The following SDCCAG8 variants were observed in gnomAD, a reference collection of about 807,000 sequenced individuals.
SDCCAG8 encodes serologically defined colon cancer antigen 8.
SDCCAG8 carries 74 observed loss-of-function variants against 101.8 expected under a neutral mutation model. That is an observed-to-expected ratio of 0.73 (90% CI 0.60 to 0.88). SDCCAG8 has a LOEUF of 0.88. SDCCAG8 is among the 40% of genes least tolerant of loss of function. The pLI is 0.00. For synonymous variants in SDCCAG8, 281 were observed against 292.9 expected, an observed-to-expected ratio of 0.96 and a Z score of 0.41; for missense variants, 787 against 822.6, an observed-to-expected ratio of 0.96 and a Z score of 0.53.
chr1:243,441,439 G>T (rs948733233), intron 16 of SDCCAG8, among the ~76,000 whole-genome samples: 1 of 151,766 alleles, frequency 6.6e-6, no homozygotes, highest in African/African-American at 2.4e-5. Flanking sequence ...CTCTTTTCAC[G>T]GTCCTGTTGC....
chr1:243,326,916 T>G (rs2074186851), intron 9 of SDCCAG8, among the ~76,000 whole-genome samples: 1 of 152,188 alleles, frequency 6.6e-6, no homozygotes, highest in South Asian at 2.1e-4. Context: ...TGCCTACCCT[T>G]TGGCTTAATA....
At chr1:243,281,207 T>C (rs1030588902) in intron 4 of SDCCAG8, among the ~76,000 whole-genome samples, 2 of 152,202 alleles carry the variant, frequency 1.3e-5, no homozygotes, top group African/African-American at 4.8e-5. Flanking sequence ...TTTCTATTGA[T>C]TAGTGTTAAC....
intron 13 of SDCCAG8, among the ~76,000 whole-genome samples, chr1:243,386,037 G>C (rs2078266715): frequency 6.6e-6 from 1 of 152,176 alleles, no homozygotes; most frequent in South Asian, 2.1e-4. Context: ...ACATGTAGCA[G>C]CTCTTTAAAA....
intron 12 of SDCCAG8, among the ~76,000 whole-genome samples, chr1:243,348,183 C>T (rs2075846800): frequency 1.3e-5 from 2 of 150,254 alleles, no homozygotes; most frequent in Non-Finnish European, 3.0e-5. Context: ...CCACAGGCGC[C>T]CACGACCACG....
intron 16 of SDCCAG8, among the ~76,000 whole-genome samples, chr1:243,439,753 C>T (rs1388773269): frequency 2.0e-5 from 3 of 151,556 alleles, no homozygotes; most frequent in South Asian, 4.2e-4. Context: ...TATAACTTAC[C>T]CAACATCACA....
At position 243,256,392 on chromosome 1, in the gene SDCCAG8, A is replaced by G. The variant is rs561408626; in HGVS notation, c.67+152A>G. 9.7e-4 allele frequency: 660 copies of G among 682,644 alleles called. 3 individuals are homozygous for G. Among genetic ancestry groups the G allele is most frequent in the Non-Finnish European group, 4.3e-4 (160 of 375,770 alleles). 42.3% of individuals were successfully genotyped at this position (682,644 alleles called of 1,614,324 possible). On this transcript the variant is annotated intron_variant, in intron 1 of 17. Transcript: ENST00000366541. ...GTTGCTGTGGTCTTGAGGAGGATGA[A>G]ATAGTTTGATTTAGTTTTTACAGTT... is the stretch of plus-strand genomic sequence containing the variant.
intron 13 of SDCCAG8, among the ~76,000 whole-genome samples, chr1:243,404,615 A>G (rs2079628582): frequency 6.6e-6 from 1 of 152,138 alleles, no homozygotes. Flanking sequence ...TCTTCTGTAG[A>G]TGTAGTGCTT....
chr1:243,310,560 A>T (rs940276762), intron 8 of SDCCAG8, among the ~76,000 whole-genome samples: 1 of 152,180 alleles, frequency 6.6e-6, no homozygotes, highest in East Asian at 1.9e-4. Flanking sequence ...AAATAAATAT[A>T]AAAAATATCT....
chr1:243,444,031 G>C (rs763519417), intron 16 of SDCCAG8, among the ~76,000 whole-genome samples: 1 of 152,076 alleles, frequency 6.6e-6, no homozygotes, highest in South Asian at 2.1e-4. Context: ...TGAAAATTAC[G>C]CTTGTTTTTA....
rs781182231 is a variant in SDCCAG8, at chr1:243,341,104, G to T, written c.1287G>T (p.Lys429Asn). The part of the protein sequence containing the change: ...EAQVEKVTKE[K>N]ISAINQLEEI... ...AGGTGGAAAAGGTTACAAAGGAAAA[G>T]ATTTCAGCTATTAATCAACTGGAGG... is the stretch of plus-strand genomic sequence containing the variant. The change falls in exon 11 of 18, where the codon AAG becomes AAT. Residue 429 changes from lysine (K) to asparagine (N), a missense_variant. Lys to Asn is a moderately conservative substitution (Grantham distance 94). Coordinates refer to ENST00000366541, the MANE Select transcript of SDCCAG8 (RefSeq NM_006642.5). The T allele has an allele frequency of 2.9e-5, 47 of 1,614,000 alleles. No homozygotes were observed. The highest frequency in any genetic ancestry group is 4.0e-5 in the Non-Finnish European group (47 of 1,179,964).
chr1:243,264,752 T>A (rs2067455211), intron 1 of SDCCAG8, among the ~76,000 whole-genome samples: 1 of 152,262 alleles, frequency 6.6e-6, no homozygotes, highest in Non-Finnish European at 1.5e-5. Flanking sequence ...CTACTTGCAC[T>A]TACGTTCATG....
In SDCCAG8 at chr1:243,256,245, G is replaced by A. The variant is rs1221461551; in HGVS notation, c.67+5G>A. On this transcript the variant is annotated splice_donor_5th_base_variant and intron_variant, in intron 1 of 17. Transcript: ENST00000366541. ...AGTATCAACGGAGTCTCCGGGGTGA[G>A]TTGCTCCAAACCTCTGTCCCTAGCC... 1.9e-6 allele frequency: 3 copies of A among 1,613,866 alleles called. No individual in the cohort carries two copies. Among genetic ancestry groups the A allele is most frequent in the African/African-American group, 2.7e-5 (2 of 74,934 alleles).
At chr1:243,420,249 A>T (rs1450881915) in intron 15 of SDCCAG8, among the ~76,000 whole-genome samples, 1 of 152,202 alleles carries the variant, frequency 6.6e-6, no homozygotes, top group African/African-American at 2.4e-5. Context: ...TTCTGTAAAA[A>T]CATTTCTAAA....
intron 6 of SDCCAG8, among the ~76,000 whole-genome samples, chr1:243,293,702 G>T (rs2070500733): frequency 6.6e-6 from 1 of 152,236 alleles, no homozygotes; most frequent in Non-Finnish European, 1.5e-5. Context: ...TATTGGGGTT[G>T]TTTCTATCTT....
intron 13 of SDCCAG8, among the ~76,000 whole-genome samples, chr1:243,384,540 G>T (rs1239558750): frequency 6.6e-6 from 1 of 151,670 alleles, no homozygotes; most frequent in Non-Finnish European, 1.5e-5. Flanking sequence ...AATGCAAGTA[G>T]GTTTAGTAAA....
intron 9 of SDCCAG8, 113 bp from the exon 10 acceptor site, chr1:243,330,427 G>A: frequency 1.0e-6 from 1 of 987,410 alleles, no homozygotes; most frequent in Non-Finnish European, 1.5e-6. Flanking sequence ...TATTCTAATG[G>A]GCTTTATAGT....
rs114664601 is a variant in SDCCAG8 at position 243,452,304 on chromosome 1, C to T, written c.1985+25746C>T. 2.2e-3 allele frequency among the ~76,000 whole-genome samples: 328 copies of T among 152,170 alleles called. 2 individuals are homozygous for T. Among genetic ancestry groups the T allele is most frequent in the African/African-American group, 7.3e-3 (303 of 41,498 alleles). On this transcript the variant is annotated intron_variant, in intron 16 of 17. Transcript: ENST00000366541. ...AGGCTCAGCTGGGGTTTTTCGTCTT[C>T]CCCTTTTTGTTACCTCCCCTAGTAA... is the stretch of plus-strand genomic sequence containing the variant.
At chr1:243,457,183 C>A (rs943912722) in intron 16 of SDCCAG8, among the ~76,000 whole-genome samples, 2 of 151,902 alleles carry the variant, frequency 1.3e-5, no homozygotes, top group African/African-American at 4.8e-5. Flanking sequence ...ATATTTTTTT[C>A]TTTAAGGAAA....
At chr1:243,497,522 C>T (rs1405516372) in intron 17 of SDCCAG8, among the ~76,000 whole-genome samples, 1 of 152,064 alleles carries the variant, frequency 6.6e-6, no homozygotes, top group African/African-American at 2.4e-5. Flanking sequence ...ATCTGTGTCA[C>T]CCCCATGCAG....
Sources: gnomAD v4.1 joint callset for allele counts (sites outside exome capture counted in the v4.1 genomes callset) on GRCh38, gnomAD v4.1.1 for gene constraint, MANE v1.5 for transcripts, NCBI Gene and HGNC (gene_info 2026-07-23, HGNC 2026-07-21) for gene names.